The following SKP2 variants were observed in gnomAD, a reference collection of about 807,000 sequenced individuals.
SKP2 encodes S-phase kinase-associated protein 2.
Under a neutral mutation model 51.8 loss-of-function variants are expected in SKP2, and 16 were observed. The ratio of observed to expected loss-of-function variants is 0.31; its 90% confidence interval spans 0.21 to 0.47. The LOEUF is 0.47. Ranked by LOEUF, SKP2 falls within the 20% of genes least tolerant of loss-of-function variation. The probability of loss-of-function intolerance (pLI) is 1.00; values close to 1 mark genes in which losing one functional copy is unlikely to be tolerated. For missense variants in SKP2, 377 were observed against 505.3 expected (o/e 0.75, Z 2.43); for synonymous variants, 176 against 198.6 (o/e 0.89, Z 0.96).
chr5:36,153,296 C>T (rs868037987), intron 2 of SKP2, among the ~76,000 whole-genome samples: 13 of 151,620 alleles, frequency 8.6e-5, no homozygotes, highest in African/African-American at 3.2e-4. Context: ...AGAAGACATT[C>T]CTGCCTTTTT....
At position 36,166,562 on chromosome 5, in the gene SKP2, A is replaced by C; in HGVS notation, c.436A>C (p.Asn146His). 2 of 1,613,980 alleles carry C rather than the reference A, an allele frequency of 1.2e-6. No individual in the cohort carries two copies. The highest frequency in any genetic ancestry group is 2.7e-5 in the African/African-American group (2 of 75,002). The change falls in exon 4 of 10, where the codon AAT becomes CAT. Residue 146 changes from asparagine (N) to histidine (H), a missense_variant. By Grantham distance (68) the Asn-to-His change is moderately conservative. This residue lies in a region of SKP2 where 262 missense variants were observed against 389.8 expected (regional missense o/e 0.67). Coordinates refer to ENST00000274255, the MANE Select transcript of SKP2 (RefSeq NM_005983.4). Reference protein sequence around the residue: ...LWQTLDLTGKNLHPDVTGRLL... With the variant: ...LWQTLDLTGKHLHPDVTGRLL... ...GCAGACCTTAGACCTCACAGGTAAA[A>C]ATCTGCACCCGGATGTGACTGGTCG...
chr5:36,182,431 T>C lies in SKP2; in HGVS notation c.*400T>C. 1.0e-6 allele frequency: 1 copy of C among 997,982 alleles called. No homozygotes were observed. The highest frequency in any genetic ancestry group is 1.2e-6 in the Non-Finnish European group (1 of 836,168). 61.8% of individuals were successfully genotyped at this position (997,982 alleles called of 1,614,324 possible). On this transcript the variant is annotated 3_prime_UTR_variant, in exon 10 of 10. Coordinates refer to ENST00000274255, the MANE Select transcript of SKP2 (RefSeq NM_005983.4). ...CTTTTATCTATTTAATTTTATAGTATTGCTTTATAAGACAGCTTAGAAGAA... is the reference window on the plus strand; with the variant it reads ...CTTTTATCTATTTAATTTTATAGTACTGCTTTATAAGACAGCTTAGAAGAA...
chr5:36,185,644 T>G (rs571194744), downstream of SKP2, among the ~76,000 whole-genome samples: 1 of 152,218 alleles, frequency 6.6e-6, no homozygotes, highest in Non-Finnish European at 1.5e-5. Flanking sequence ...CATGCTGTTT[T>G]GGTTACTGTA....
rs188302280 is a variant in SKP2 at position 36,179,544 on chromosome 5, A to G, written c.1061+2252A>G. Among the ~76,000 whole-genome samples, 57 of 152,170 alleles carry G rather than the reference A, an allele frequency of 3.7e-4. No individual in the cohort carries two copies. The East Asian group carries it at 8.3e-3, about 22-fold the overall frequency. On this transcript the variant is annotated intron_variant, in intron 9 of 9. Transcript: ENST00000274255. ...CTAAACTTCCTTCTAATTCTTCCCT[A>G]TTTCTCATTCAAGTAAGAAACCCAA...
intron 4 of SKP2, among the ~76,000 whole-genome samples, chr5:36,167,872 C>G (rs981371916): frequency 1.2e-4 from 18 of 152,170 alleles, no homozygotes; most frequent in African/African-American, 4.3e-4. Flanking sequence ...CTGGACTCAG[C>G]CTTTCAAAGT....
intron 3 of SKP2, among the ~76,000 whole-genome samples, chr5:36,164,318 C>T (rs936002769): frequency 1.3e-5 from 2 of 152,130 alleles, no homozygotes; most frequent in Non-Finnish European, 2.9e-5. Flanking sequence ...AGACATGTTC[C>T]ACACAGAGTA....
Position 36,183,077 on chromosome 5 carries a change from G to A in SKP2, c.*1046G>A, listed in dbSNP as rs1310238379. The A allele has an allele frequency of 2.0e-6, 2 of 982,482 alleles. No homozygotes were observed. The highest frequency in any genetic ancestry group is 2.4e-6 in the Non-Finnish European group (2 of 827,560). 60.9% of individuals were successfully genotyped at this position (982,482 alleles called of 1,614,324 possible). On this transcript the variant is annotated 3_prime_UTR_variant, in exon 10 of 10. Transcript: ENST00000274255. Reference sequence around the variant, plus strand: ...TTATCAGACCTACAGTTCCCTAAGAGGAACTGCATGTTCTCTTCAATCAGA... The same window carrying A: ...TTATCAGACCTACAGTTCCCTAAGAAGAACTGCATGTTCTCTTCAATCAGA...
rs140057170 is a variant in SKP2 at position 36,180,336 on chromosome 5, G to A, written c.1062-1482G>A. The A allele has an allele frequency of 3.7e-4, 378 of 1,009,300 alleles. No individual in the cohort carries two copies. In the African/African-American group the frequency reaches 5.8e-3, roughly 16 times the overall value. 62.5% of individuals were successfully genotyped at this position (1,009,300 alleles called of 1,614,324 possible). ...TCTGTGTATACTGTGATCTTACTTCGACAGTGTTTCTACATTCCAGAAAGC... is the reference window on the plus strand; with the variant it reads ...TCTGTGTATACTGTGATCTTACTTCAACAGTGTTTCTACATTCCAGAAAGC... On this transcript the variant is annotated intron_variant, in intron 9 of 9. Coordinates refer to ENST00000274255, the MANE Select transcript of SKP2 (RefSeq NM_005983.4).
chr5:36,170,946 G>C (rs33669), intron 6 of SKP2, among the ~76,000 whole-genome samples: 130,976 of 152,180 alleles, frequency 0.86, 57,152 homozygotes, highest in Non-Finnish European at 0.94. Context: ...CACAGTACTA[G>C]GCATATGTGT....
At chr5:36,170,823 G>T (rs888893257) in intron 6 of SKP2, among the ~76,000 whole-genome samples, 1 of 152,108 alleles carries the variant, frequency 6.6e-6, no homozygotes, top group Non-Finnish European at 1.5e-5. Flanking sequence ...TATAAATATA[G>T]ACCGTAAATT....
chr5:36,180,161 A>T, intron 9 of SKP2: 1 of 605,984 alleles, frequency 1.7e-6, no homozygotes. Flanking sequence ...TCCCTTAAAT[A>T]TTCTCCAGTG....
intron 9 of SKP2, among the ~76,000 whole-genome samples, chr5:36,178,199 G>C (rs1184903972): frequency 2.0e-5 from 3 of 152,180 alleles, no homozygotes; most frequent in African/African-American, 7.2e-5. Flanking sequence ...TGCCCAACAT[G>C]TCTTGAATGC....
chr5:36,156,669 C>T (rs1415942815), intron 2 of SKP2, among the ~76,000 whole-genome samples: 1 of 152,098 alleles, frequency 6.6e-6, no homozygotes, highest in East Asian at 1.9e-4. Context: ...CCCACCCCAC[C>T]CTTTAAACAG....
chr5:36,155,469 G>A (rs1198030562), intron 2 of SKP2, among the ~76,000 whole-genome samples: 1 of 152,122 alleles, frequency 6.6e-6, no homozygotes, highest in Admixed American at 6.6e-5. Context: ...CACTTCACAG[G>A]TCGTCGTGAA....
At chr5:36,176,878 A>G (rs372659737) in intron 7 of SKP2, 87 bp from the exon 8 acceptor site, 7 of 809,430 alleles carry the variant, frequency 8.6e-6, no homozygotes, top group South Asian at 3.2e-5. Flanking sequence ...AACTTCCAGC[A>G]TGATGTTCAA....
Position 36,191,836 on chromosome 5 carries a change from CAA to C in SKP2, c.633-783_633-782del, listed in dbSNP as rs546621944. Among the ~76,000 whole-genome samples the C allele has an allele frequency of 8.8e-3, 1,339 of 152,184 alleles. 11 individuals are homozygous for C. The highest frequency in any genetic ancestry group is 0.015 in the Non-Finnish European group (1,023 of 67,992). ...CACCTAGCCAAATATCCCAGAAAATCAAAGTTTTCTTCACCAAGAGACTAACC... is the reference window on the plus strand; with the variant it reads ...CACCTAGCCAAATATCCCAGAAAATCAGTTTTCTTCACCAAGAGACTAACC... On this transcript the variant is annotated intron_variant, in intron 6 of 7. Transcript: ENST00000677886.
chr5:36,178,555 G>A (rs371050296), intron 9 of SKP2, among the ~76,000 whole-genome samples: 9 of 151,992 alleles, frequency 5.9e-5, no homozygotes, highest in Admixed American at 3.3e-4. Flanking sequence ...AAATTCATGC[G>A]CATGAAACTC....
rs888555210 is a variant in SKP2 at position 36,162,998 on chromosome 5, G to T, written c.281-647G>T. Among the ~76,000 whole-genome samples the T allele has an allele frequency of 7.2e-5, 11 of 152,218 alleles. 1 individual carries two copies. Among genetic ancestry groups the T allele is most frequent in the Admixed American group, 5.9e-4 (9 of 15,294 alleles). ...ACCAGAACAGCATCAAATTACAGGG[G>T]CGGTTATCACCAGGTAACCGTCCCC... On this transcript the variant is annotated intron_variant, in intron 2 of 9. Transcript: ENST00000274255.
rs1172557992 is a variant in SKP2, at chr5:36,182,219, A to G, written c.*188A>G. 8 of 1,396,620 alleles carry G rather than the reference A, an allele frequency of 5.7e-6. No individual in the cohort carries two copies. The highest frequency in any genetic ancestry group is 2.8e-6 in the Non-Finnish European group (3 of 1,078,414). 86.5% of individuals were successfully genotyped at this position (1,396,620 alleles called of 1,614,324 possible). On this transcript the variant is annotated 3_prime_UTR_variant, in exon 10 of 10. Coordinates refer to ENST00000274255, the MANE Select transcript of SKP2 (RefSeq NM_005983.4). Reference sequence around the variant, plus strand: ...TTTTGAAATGATTCTAAAAGCTTCTATCACTGCTTTGCTCTTAAGAGCCAA... The same window carrying G: ...TTTTGAAATGATTCTAAAAGCTTCTGTCACTGCTTTGCTCTTAAGAGCCAA...
Sources: gnomAD v4.1 joint callset for allele counts (sites outside exome capture counted in the v4.1 genomes callset) on GRCh38, gnomAD v4.1.1 for gene constraint, gnomAD v4.1.1 regional missense constraint, MANE v1.5 for transcripts, NCBI Gene and HGNC (gene_info 2026-07-23, HGNC 2026-07-21) for gene names.